The following CTSB variants were observed in gnomAD, a reference collection of about 807,000 sequenced individuals.
CTSB encodes the protein APP secretase.
Under a neutral mutation model 44.3 loss-of-function variants are expected in CTSB, and 57 were observed. The observed-to-expected ratio is 1.29, with a 90% CI of 1.04 to 1.60. The LOEUF is 1.60. CTSB is among the 40% of genes most tolerant of loss of function. The probability of loss-of-function intolerance (pLI) is 0.00; values close to 1 mark genes in which losing one functional copy is unlikely to be tolerated. For synonymous variants in CTSB, 320 were observed against 168.0 expected (o/e 1.91, Z -7.00); for missense variants, 768 against 443.0 (o/e 1.73, Z -6.59).
intron 1 of CTSB, among the ~76,000 whole-genome samples, chr8:11,862,870 A>AC (rs1164085339): frequency 6.6e-6 from 1 of 152,198 alleles, no homozygotes; most frequent in East Asian, 1.9e-4. Context: ...CATCTTGGCC[A>AC]CATTGGGCCC....
At position 11,845,206 on chromosome 8, in the gene CTSB, G is replaced by T. The variant is rs1232911737; in HGVS notation, c.939C>A (p.Leu313=). ...DWGDNGFFKI[L]RGQDHCGIES... ...CGATTCCACAGTGATCCTGTCCTCTGAGTATTTTAAAGAAGCCTGGGAATA... is the reference window on the plus strand; with the variant it reads ...CGATTCCACAGTGATCCTGTCCTCTTAGTATTTTAAAGAAGCCTGGGAATA... Residue 313 remains leucine, a synonymous_variant, in exon 10 of 10, where the codon CTC becomes CTA. Transcript: ENST00000353047. 1 of 1,613,328 alleles carries T rather than the reference G, an allele frequency of 6.2e-7. No individual in the cohort carries two copies. The highest frequency in any genetic ancestry group is 8.5e-7 in the Non-Finnish European group (1 of 1,179,272).
intron 1 of CTSB, among the ~76,000 whole-genome samples, chr8:11,861,093 G>T (rs879778707): frequency 2.0e-5 from 3 of 152,184 alleles, no homozygotes; most frequent in Non-Finnish European, 4.4e-5. Context: ...GTGTTTAGTA[G>T]ATTCTTGGCT....
chr8:11,853,416 C>A lies in CTSB; in HGVS notation c.39G>T (p.Val13=). 1 of 1,612,716 alleles carries A rather than the reference C, an allele frequency of 6.2e-7. No homozygotes were observed. Among genetic ancestry groups the A allele is most frequent in the Non-Finnish European group, 8.5e-7 (1 of 1,179,810 alleles). ...AGGGCCTGCTCCGGGCATTGGCCAACACCAGCAGGCAGCAGAGGGAGGCCC... is the reference window on the plus strand; with the variant it reads ...AGGGCCTGCTCCGGGCATTGGCCAAAACCAGCAGGCAGCAGAGGGAGGCCC... The part of the protein sequence containing the change: ...QLWASLCCLL[V]LANARSRPSF... The change falls in exon 2 of 10, where the codon GTG becomes GTT. Residue 13 remains valine (V), a synonymous_variant. Transcript: ENST00000353047.
chr8:11,846,594 C>G (rs564759834), intron 8 of CTSB, among the ~76,000 whole-genome samples: 127 of 152,314 alleles, frequency 8.3e-4, no homozygotes, highest in Non-Finnish European at 9.6e-4. Flanking sequence ...TGTTCATCCA[C>G]TGGTGTGAGG....
chr8:11,846,123 C>G (rs990304822), intron 8 of CTSB: 1 of 173,726 alleles, frequency 5.8e-6, no homozygotes, highest in Non-Finnish European at 1.2e-5. Context: ...ACTGGGATTC[C>G]ATGTAAGTAA....
intron 1 of CTSB, among the ~76,000 whole-genome samples, chr8:11,854,101 G>GT (rs1489153577): frequency 6.6e-6 from 1 of 152,188 alleles, no homozygotes; most frequent in African/African-American, 2.4e-5. Context: ...TGCCCCAGCC[G>GT]TTTGATCTTG....
intron 1 of CTSB, among the ~76,000 whole-genome samples, chr8:11,854,490 C>CT (rs749714527): frequency 0.041 from 5,725 of 139,606 alleles, 328 homozygotes; most frequent in African/African-American, 0.13. Context: ...TGGAAAAAAG[C>CT]TTTTTTTTTT....
intron 1 of CTSB, among the ~76,000 whole-genome samples, chr8:11,866,914 T>C (rs117952992): frequency 1.3e-5 from 2 of 152,272 alleles, no homozygotes; most frequent in Non-Finnish European, 2.9e-5. Flanking sequence ...AGAGTGCATC[T>C]CAGCTATCCT....
At chr8:11,860,325 T>A (rs367827871) in intron 1 of CTSB, among the ~76,000 whole-genome samples, 1 of 152,048 alleles carries the variant, frequency 6.6e-6, no homozygotes, top group Non-Finnish European at 1.5e-5. Flanking sequence ...TAGTCAGCTC[T>A]AAAGAATTGA....
chr8:11,854,080 T>G (rs1195808470), intron 1 of CTSB, among the ~76,000 whole-genome samples: 3 of 152,266 alleles, frequency 2.0e-5, no homozygotes, highest in African/African-American at 7.2e-5. Context: ...GAAGGAAAAC[T>G]CTCACCTCGA....
chr8:11,852,438 G>A (rs765940462), intron 3 of CTSB, among the ~76,000 whole-genome samples, 172 bp downstream of exon 3: 1 of 152,176 alleles, frequency 6.6e-6, no homozygotes, highest in Non-Finnish European at 1.5e-5. Context: ...AATAAAAAGA[G>A]AAAGTAATAT....
At chr8:11,846,749 AG>A (rs1037053389) in intron 8 of CTSB, among the ~76,000 whole-genome samples, 1 of 152,184 alleles carries the variant, frequency 6.6e-6, no homozygotes, top group African/African-American at 2.4e-5. Flanking sequence ...GCCACCAGGG[AG>A]GGGGGCGTTC....
intron 7 of CTSB, 65 bp from the exon 8 acceptor site, chr8:11,847,233 C>T: frequency 4.0e-6 from 4 of 993,000 alleles, no homozygotes; most frequent in Non-Finnish European, 4.8e-6. Flanking sequence ...ACGCCACGGT[C>T]AGCCAGTCAC....
rs190293135 is a variant in CTSB, at chr8:11,847,733, T to C, written c.622A>G (p.Ser208Gly). 39 of 1,599,606 alleles carry C rather than the reference T, an allele frequency of 2.4e-5. No homozygotes were observed. Among genetic ancestry groups the C allele is most frequent in the Non-Finnish European group, 3.1e-5 (37 of 1,174,946 alleles). ...CTGEGDTPKC[S>G]KICEPGYSPT... is the part of the protein sequence containing the mutation. ...CTGTAGCCAGGCTCACAGATCTTGCTACACTTGGGGGTATCTCCCTCCCCC... is the reference window on the plus strand; with the variant it reads ...CTGTAGCCAGGCTCACAGATCTTGCCACACTTGGGGGTATCTCCCTCCCCC... Residue 208 changes from serine to glycine, a missense_variant, in exon 7 of 10, where the codon AGC becomes GGC. By Grantham distance (56) the Ser-to-Gly change is moderately conservative. Coordinates refer to ENST00000353047, the MANE Select transcript of CTSB (RefSeq NM_001908.5).
chr8:11,854,381 G>A (rs907781463), intron 1 of CTSB, among the ~76,000 whole-genome samples: 1 of 152,148 alleles, frequency 6.6e-6, no homozygotes, highest in African/African-American at 2.4e-5. Context: ...AAACTGCCTG[G>A]CACCTAGGGG....
rs1812426779 is a variant in CTSB at position 11,842,554 on chromosome 8, A to G, written c.*2571T>C. Reference sequence around the variant, plus strand: ...GAGCAGGGAGAACTTTATTGAGGTTATGAATATATTCTACTTGAAACTGGA... The same window carrying G: ...GAGCAGGGAGAACTTTATTGAGGTTGTGAATATATTCTACTTGAAACTGGA... On this transcript the variant is annotated 3_prime_UTR_variant, in exon 10 of 10. Transcript: ENST00000353047. 1 of 152,200 alleles carries G rather than the reference A, an allele frequency of 6.6e-6. No homozygotes were observed. The highest frequency in any genetic ancestry group is 2.1e-4 in the South Asian group (1 of 4,832). The allele number at this position is 152,200 out of a possible 1,614,324, so 9.4% of individuals were successfully genotyped here.
chr8:11,864,519 GAACA>G (rs1486386698), intron 1 of CTSB: 1 of 151,926 alleles, frequency 6.6e-6, no homozygotes, highest in Non-Finnish European at 1.5e-5. Context: ...ATGAATGCAT[GAACA>G]AAAAAATGTG....
intron 4 of CTSB, chr8:11,850,659 G>C (rs957274561): frequency 1.1e-5 from 5 of 456,566 alleles, no homozygotes; most frequent in African/African-American, 9.8e-5. Flanking sequence ...CTTGCAATCT[G>C]CTGGATGCTC....
chr8:11,850,836 G>T (rs765439031), intron 4 of CTSB, 30 bp downstream of exon 4: 3 of 1,539,090 alleles, frequency 1.9e-6, no homozygotes, highest in Non-Finnish European at 2.7e-6. Context: ...TTTCTCTCCA[G>T]CGCTTCCCCG....
Sources: gnomAD v4.1 joint callset for allele counts (sites outside exome capture counted in the v4.1 genomes callset) on GRCh38, gnomAD v4.1.1 for gene constraint, MANE v1.5 for transcripts, NCBI Gene and HGNC (gene_info 2026-07-23, HGNC 2026-07-21) for gene names.